Variants in TRERF1 observed in about 807,000 individuals in gnomAD.
The protein encoded by TRERF1 is transcriptional regulating factor 1.
Under a neutral mutation model 122.9 loss-of-function variants are expected in TRERF1, and 27 were observed. The ratio of observed to expected loss-of-function variants is 0.22; its 90% CI spans 0.16 to 0.30. TRERF1 has a LOEUF of 0.30. Ranked by LOEUF, TRERF1 falls within the 10% of genes least tolerant of loss-of-function variation. TRERF1 has a pLI of 1.00. For synonymous variants in TRERF1, 636 were observed against 641.7 expected, an observed-to-expected ratio of 0.99 and a Z score of 0.13; for missense variants, 1,248 against 1,560.3, an observed-to-expected ratio of 0.80 and a Z score of 3.37.
chr6:42,353,945 C>G (rs977444196), intron 3 of TRERF1, among the ~76,000 whole-genome samples: 1 of 152,172 alleles, frequency 6.6e-6, no homozygotes, highest in South Asian at 2.1e-4. Context: ...TATAAGCTTT[C>G]AACAATGGAT....
At chr6:42,376,035 CTG>C (rs1774787672) in intron 2 of TRERF1, among the ~76,000 whole-genome samples, 1 of 152,042 alleles carries the variant, frequency 6.6e-6, no homozygotes, top group African/African-American at 2.4e-5. Context: ...GTGGCTGGGT[CTG>C]GGGGAAACTG....
At chr6:42,258,740 AT>A (rs370546940) in intron 9 of TRERF1, among the ~76,000 whole-genome samples, 23 of 145,282 alleles carry the variant, frequency 1.6e-4, no homozygotes, top group East Asian at 1.0e-3. Context: ...ACATCCCGTT[AT>A]TTTTTTTTTT....
intron 3 of TRERF1, among the ~76,000 whole-genome samples, chr6:42,322,099 C>T (rs1230616607): frequency 1.3e-5 from 2 of 151,974 alleles, no homozygotes; most frequent in Admixed American, 6.5e-5. Context: ...TTTACTGCAC[C>T]GGGACTCAGG....
chr6:42,240,366 C>T (rs1773409796), intron 15 of TRERF1, among the ~76,000 whole-genome samples: 1 of 152,176 alleles, frequency 6.6e-6, no homozygotes, highest in Non-Finnish European at 1.5e-5. Context: ...CTGATTTTGC[C>T]CCTCTTCCAA....
At chr6:42,274,164 A>G (rs1780743921) in intron 4 of TRERF1, among the ~76,000 whole-genome samples, 1 of 152,236 alleles carries the variant, frequency 6.6e-6, no homozygotes, top group Non-Finnish European at 1.5e-5. Context: ...GGCCCCATCC[A>G]GACCCACTAA....
rs1404423753 is a variant in TRERF1, at chr6:42,436,468, T to C, written c.-454+14709A>G. On this transcript the variant is annotated intron_variant, in intron 2 of 17. Transcript: ENST00000372922. ...ATTCAAAAGAACCCTAATATGATTT[T>C]GAAAGCATAATATCATAGCTAATAT... Among the ~76,000 whole-genome samples the C allele has an allele frequency of 2.0e-5, 3 of 152,270 alleles. No individual in the cohort carries two copies. In the East Asian group the frequency reaches 5.8e-4, roughly 29 times the overall value.
intron 3 of TRERF1, among the ~76,000 whole-genome samples, chr6:42,303,544 T>C (rs1334608782): frequency 1.3e-5 from 2 of 152,112 alleles, no homozygotes; most frequent in Non-Finnish European, 2.9e-5. Context: ...GAGAGAAGGC[T>C]CTTAATCAGG....
At chr6:42,374,189 C>T (rs1471911913) in intron 2 of TRERF1, among the ~76,000 whole-genome samples, 1 of 150,270 alleles carries the variant, frequency 6.7e-6, no homozygotes, top group African/African-American at 2.5e-5. Flanking sequence ...AGGGGAAGAG[C>T]CTGCTAAGCC....
chr6:42,363,845 T>C (rs558361711), intron 2 of TRERF1, among the ~76,000 whole-genome samples: 18 of 152,154 alleles, frequency 1.2e-4, no homozygotes, highest in Non-Finnish European at 2.1e-4. Context: ...CAGAGGAGCA[T>C]GGCCCTGCCA....
At chr6:42,427,188 A>G (rs1182881337) in intron 2 of TRERF1, among the ~76,000 whole-genome samples, 1 of 152,118 alleles carries the variant, frequency 6.6e-6, no homozygotes, top group Admixed American at 6.5e-5. Flanking sequence ...TGTTTTTAAA[A>G]AAGAACTAAG....
chr6:42,265,617 A>G, intron 6 of TRERF1, 134 bp downstream of exon 6: 2 of 1,019,814 alleles, frequency 2.0e-6, no homozygotes, highest in Non-Finnish European at 2.9e-6. Flanking sequence ...TATGCACTCA[A>G]ACACAACAGC....
At chr6:42,279,281 G>T (rs1444822404) in intron 4 of TRERF1, among the ~76,000 whole-genome samples, 2 of 152,090 alleles carry the variant, frequency 1.3e-5, no homozygotes, top group African/African-American at 4.8e-5. Context: ...CCACAGGAAG[G>T]ATCCTCCACT....
chr6:42,365,234 C>T (rs1311189653), intron 2 of TRERF1, among the ~76,000 whole-genome samples: 1 of 152,110 alleles, frequency 6.6e-6, no homozygotes, highest in South Asian at 2.1e-4. Context: ...CCCTAGTCCA[C>T]ACCCTGACTG....
intron 3 of TRERF1, among the ~76,000 whole-genome samples, chr6:42,339,368 T>C (rs918579856): frequency 1.3e-5 from 2 of 152,192 alleles, no homozygotes; most frequent in African/African-American, 4.8e-5. Flanking sequence ...CTTTTTTCCT[T>C]CATCTTTTCC....
chr6:42,233,195 T>C (rs1454216440), intron 16 of TRERF1, among the ~76,000 whole-genome samples: 1 of 151,940 alleles, frequency 6.6e-6, no homozygotes, highest in Non-Finnish European at 1.5e-5. Flanking sequence ...CCAGCTCTAC[T>C]ATAACTAAAG....
chr6:42,250,193 T>C (rs1383622864), intron 13 of TRERF1, among the ~76,000 whole-genome samples: 1 of 152,168 alleles, frequency 6.6e-6, no homozygotes, highest in African/African-American at 2.4e-5. Context: ...AAGTGTTCGA[T>C]ACATGTTTTG....
rs1779077029 is a variant in TRERF1, at chr6:42,265,918, T to G, written c.1438-121A>C. 5.9e-6 allele frequency: 6 copies of G among 1,013,568 alleles called. No homozygotes were observed. The Admixed American group carries it at 1.2e-4, about 21-fold the overall frequency. The allele number at this position is 1,013,568 out of a possible 1,614,324, so 62.8% of individuals were successfully genotyped here. A position where few individuals can be genotyped will look rare whatever the true frequency, so the allele number is the denominator to read the frequency against. The stretch of plus-strand genomic sequence containing the variant: ...TCCAGGACTCTTTCTGCTGTCTGCT[T>G]CGTGCTGACCCCATTCATGTCCACT... On this transcript the variant is annotated intron_variant, in intron 5 of 17. Transcript: ENST00000372922.
chr6:42,343,868 G>A (rs79481226), intron 3 of TRERF1, among the ~76,000 whole-genome samples: 1,643 of 152,360 alleles, frequency 0.011, 25 homozygotes, highest in African/African-American at 0.037. Flanking sequence ...GGCACCTACA[G>A]TGCTAAGAGG....
At chr6:42,284,372 C>T (rs1782830719) in intron 4 of TRERF1, among the ~76,000 whole-genome samples, 1 of 152,090 alleles carries the variant, frequency 6.6e-6, no homozygotes, top group Admixed American at 6.6e-5. Context: ...CAGTGCCAGT[C>T]TTTAATAGTT....
Sources: allele counts gnomAD v4.1 joint callset (sites outside exome capture counted in the v4.1 genomes callset), GRCh38; gene constraint gnomAD v4.1.1; transcripts MANE v1.5; gene names NCBI Gene and HGNC (gene_info 2026-07-23, HGNC 2026-07-21).